Variants in ALG1 observed in about 807,000 individuals in gnomAD.
ALG1 encodes the protein chitobiosyldiphosphodolichol beta-mannosyltransferase.
A neutral mutation model predicts 55.1 loss-of-function variants in ALG1; 58 were observed. The observed-to-expected ratio is 1.05, with a 90% CI of 0.85 to 1.31. The LOEUF (loss-of-function observed/expected upper bound fraction) is 1.31, where lower values mean the gene tolerates loss of function less well. Ranked by LOEUF, ALG1 falls within the 50% of genes most tolerant of loss-of-function variation. The probability of loss-of-function intolerance (pLI) is 0.00; values close to 1 mark genes in which losing one functional copy is unlikely to be tolerated. For missense variants in ALG1, 761 were observed against 598.6 expected (o/e 1.27, Z -2.83); for synonymous variants, 309 against 247.0 (o/e 1.25, Z -2.35).
chr16:5,078,738 T>G lies in ALG1; in HGVS notation c.741-19T>G. On this transcript the variant is annotated intron_variant, in intron 6 of 12. Transcript: ENST00000262374. ...GCCTGCTCTATGGCCTCTCACAGGC[T>G]TTTTTTCTGCTCCTTCAGCTCAGAA... is the stretch of plus-strand genomic sequence containing the variant. The G allele has an allele frequency of 6.2e-7, 1 of 1,612,510 alleles. No homozygotes were observed. Among genetic ancestry groups the G allele is most frequent in the Non-Finnish European group, 8.5e-7 (1 of 1,179,724 alleles).
At position 5,085,765 on chromosome 16, in the gene ALG1, G is replaced by A. The variant is rs757368497; in HGVS notation, c.*884G>A. On this transcript the variant is annotated 3_prime_UTR_variant, in exon 13 of 13. Coordinates refer to ENST00000262374, the MANE Select transcript of ALG1 (RefSeq NM_019109.5). ...CAGAGCACATGTGTTTGAGGATGGC[G>A]GTGTTTGGGGACAGGACATGAGGGT... 3.8e-5 allele frequency: 57 copies of A among 1,516,676 alleles called. No individual in the cohort carries two copies. Among genetic ancestry groups the A allele is most frequent in the Non-Finnish European group, 4.8e-5 (52 of 1,093,178 alleles). The allele number at this position is 1,516,676 out of a possible 1,614,324, so 94.0% of individuals were successfully genotyped here.
intron 10 of ALG1, among the ~76,000 whole-genome samples, chr16:5,082,303 ACT>A (rs1346544766): frequency 6.6e-6 from 1 of 151,622 alleles, no homozygotes; most frequent in Admixed American, 6.6e-5. Flanking sequence ...ACAGAATGAG[ACT>A]CTGTCTCAAA....
Position 5,086,234 on chromosome 16 carries a change from C to A in ALG1, c.*1353C>A, listed in dbSNP as rs572405748. Among the ~76,000 whole-genome samples, 6 of 151,162 alleles carry A rather than the reference C, an allele frequency of 4.0e-5. No individual in the cohort carries two copies. Among genetic ancestry groups the A allele is most frequent in the Non-Finnish European group, 7.4e-5 (5 of 67,858 alleles). On this transcript the variant is annotated 3_prime_UTR_variant, in exon 13 of 13. Coordinates refer to ENST00000262374, the MANE Select transcript of ALG1 (RefSeq NM_019109.5). ...CCTGTAATCCCAGCTACTTGGGAGG[C>A]TGAGGTGGGAGAATTGCTTGAACCC...
intron 12 of ALG1, 52 bp downstream of exon 12, chr16:5,083,809 C>G (rs1388719734): frequency 1.3e-6 from 2 of 1,596,912 alleles, no homozygotes; most frequent in Admixed American, 1.7e-5. Context: ...GAGACTGGCA[C>G]CGAGCCAGGC....
At position 5,078,853 on chromosome 16, in the gene ALG1, G is replaced by A; in HGVS notation, c.837G>A (p.Leu279=). The A allele has an allele frequency of 6.2e-7, 1 of 1,611,810 alleles. No homozygotes were observed. Among genetic ancestry groups the A allele is most frequent in the Middle Eastern group, 2.2e-4 (1 of 4,590 alleles). The part of the protein sequence containing the change: ...LVTRLRERPA[L]LVSSTSWTED... ...CGCGTCTCCGTGAGCGGCCAGCCCT[G>A]CTGGTCAGCAGCACGAGCTGGACAG... Residue 279 remains leucine, a synonymous_variant, in exon 7 of 13, where the codon CTG becomes CTA. Transcript: ENST00000262374.
At chr16:5,072,459 C>T (rs2142700104) in intron 1 of ALG1, 2 of 409,628 alleles carry the variant, frequency 4.9e-6, no homozygotes, top group Non-Finnish European at 8.8e-6. Flanking sequence ...ATTTGTTCTT[C>T]ATGTCCAGCT....
At position 5,079,805 on chromosome 16, in the gene ALG1, C is replaced by G. The variant is rs760346299; in HGVS notation, c.959C>G (p.Thr320Arg). The G allele has an allele frequency of 1.2e-6, 2 of 1,611,726 alleles. No individual in the cohort carries two copies. The highest frequency in any genetic ancestry group is 1.1e-5 in the South Asian group (1 of 90,992). Residue 320 changes from threonine (T) to arginine (R), a missense_variant and splice_region_variant, in exon 9 of 13, where the codon ACA (threonine) becomes AGA (arginine). By Grantham distance (71) the Thr-to-Arg change is moderately conservative. Coordinates refer to ENST00000262374, the MANE Select transcript of ALG1 (RefSeq NM_019109.5). ...HNLPSLVCVI[T>R]GKGPLREYYS... The stretch of plus-strand genomic sequence containing the variant: ...CTTCCTTCTCTCGTCTGTGTGATAA[C>G]AGGTACTGCCTGGGACCCTGGGTGT...
intron 3 of ALG1, 136 bp from the exon 4 acceptor site, chr16:5,075,252 G>A (rs926890674): frequency 5.1e-6 from 5 of 984,110 alleles, no homozygotes; most frequent in Admixed American, 1.7e-5. Flanking sequence ...TGGTGGAGAG[G>A]GTCTTTCTTC....
intron 4 of ALG1, among the ~76,000 whole-genome samples, chr16:5,075,771 C>T (rs74006410): frequency 2.0e-5 from 3 of 152,308 alleles, no homozygotes; most frequent in African/African-American, 7.2e-5. Flanking sequence ...TGGTTTCGAG[C>T]TCAGCAGTGT....
chr16:5,073,409 A>T, intron 3 of ALG1, 153 bp downstream of exon 3: 1 of 699,270 alleles, frequency 1.4e-6, no homozygotes, highest in South Asian at 1.6e-5. Flanking sequence ...GTGTCTATTT[A>T]TGGCACCTAT....
intron 1 of ALG1, 67 bp downstream of exon 1, chr16:5,072,124 CG>C: frequency 1.3e-6 from 2 of 1,549,270 alleles, no homozygotes; most frequent in Non-Finnish European, 8.7e-7. Flanking sequence ...CTAACCGCCC[CG>C]GGGAGTCGAG....
At chr16:5,076,792 C>CTT (rs5815229) in intron 4 of ALG1, among the ~76,000 whole-genome samples, 73 of 108,830 alleles carry the variant, frequency 6.7e-4, no homozygotes, top group Middle Eastern at 5.1e-3. Flanking sequence ...GTATTTCTTC[C>CTT]TTTTTTTTTT....
Position 5,073,237 on chromosome 16 carries a change from G to T in ALG1, c.371G>T (p.Gly124Val). The T allele has an allele frequency of 6.2e-7, 1 of 1,614,144 alleles. No individual in the cohort carries two copies. The highest frequency in any genetic ancestry group is 8.5e-7 in the Non-Finnish European group (1 of 1,180,020). ...TGGAAGTTGATGTGGAGGGAGCCAGGTGCCTATATCTTTCTCCAGGTGTGT... is the reference window on the plus strand; with the variant it reads ...TGGAAGTTGATGTGGAGGGAGCCAGTTGCCTATATCTTTCTCCAGGTGTGT... ...LLWKLMWREPGAYIFLQNPPG... is the reference protein window; with the variant it reads ...LLWKLMWREPVAYIFLQNPPG... The change falls in exon 3 of 13, where the codon GGT (glycine) becomes GTT (valine). Residue 124 changes from glycine to valine, a missense_variant. Coordinates refer to ENST00000262374, the MANE Select transcript of ALG1 (RefSeq NM_019109.5).
chr16:5,082,479 G>T (rs1596261029), intron 10 of ALG1, 80 bp from the exon 11 acceptor site: 1 of 1,457,572 alleles, frequency 6.9e-7, no homozygotes, highest in African/African-American at 1.4e-5. Context: ...CTCCTTGGGG[G>T]ATGCTGCCTC....
rs764726988 is a variant in ALG1 at position 5,082,592 on chromosome 16, C to T, written c.1106C>T (p.Ser369Phe). Residue 369 changes from serine (S) to phenylalanine (F), a missense_variant, in exon 11 of 13, where the codon TCC becomes TTC. Physicochemically the swap from Ser to Phe is radical, Grantham distance 155. Coordinates refer to ENST00000262374, the MANE Select transcript of ALG1 (RefSeq NM_019109.5). ...GACCTGGGTGTCTGTCTGCACACGT[C>T]CTCCAGTGGCCTGGACCTGCCCATG... ...SADLGVCLHT[S>F]SSGLDLPMKV... 1 of 1,612,044 alleles carries T rather than the reference C, an allele frequency of 6.2e-7. No individual in the cohort carries two copies. Among genetic ancestry groups the T allele is most frequent in the Non-Finnish European group, 8.5e-7 (1 of 1,179,868 alleles).
At chr16:5,079,244 C>T (rs1042142412) in intron 8 of ALG1, 142 bp downstream of exon 8, 76 of 1,098,636 alleles carry the variant, frequency 6.9e-5, no homozygotes, top group East Asian at 1.5e-4. Flanking sequence ...GGAAGTGGGC[C>T]GCCCTGAATC....
chr16:5,082,686 C>T lies in ALG1; in HGVS notation c.1187+13C>T, dbSNP rs773704908. 1.2e-6 allele frequency: 2 copies of T among 1,610,794 alleles called. No homozygotes were observed. The highest frequency in any genetic ancestry group is 1.7e-5 in the Admixed American group (1 of 60,010). ...TGAACTTCAAGTGGTAGGAGCAGAA[C>T]CCAAATCCTTCTGGGGATAGCTTTG... On this transcript the variant is annotated intron_variant, in intron 11 of 12. Coordinates refer to ENST00000262374, the MANE Select transcript of ALG1 (RefSeq NM_019109.5).
At chr16:5,078,430 G>T (rs920451412) in intron 6 of ALG1, 9 of 601,314 alleles carry the variant, frequency 1.5e-5, no homozygotes, top group Admixed American at 4.4e-5. Flanking sequence ...GCAGGTCTAC[G>T]CACCCTGAGG....
chr16:5,078,095 G>A, intron 6 of ALG1, 78 bp downstream of exon 6: 1 of 1,511,372 alleles, frequency 6.6e-7, no homozygotes, highest in Non-Finnish European at 9.0e-7. Context: ...GCAGACCTGG[G>A]AACCCACTCA....
Sources: gnomAD v4.1 joint callset for allele counts (sites outside exome capture counted in the v4.1 genomes callset) on GRCh38, gnomAD v4.1.1 for gene constraint, MANE v1.5 for transcripts, NCBI Gene and HGNC (gene_info 2026-07-23, HGNC 2026-07-21) for gene names.